Variants in QSOX2 observed in about 807,000 individuals in gnomAD.
The protein encoded by QSOX2 is sulfhydryl oxidase 2.
Under a neutral mutation model 61.7 loss-of-function variants are expected in QSOX2, and 46 were observed. The ratio of observed to expected loss-of-function variants is 0.75; its 90% CI spans 0.59 to 0.95. QSOX2 has a LOEUF of 0.95. Among genes scored for constraint, QSOX2 ranks in the 40% least tolerant of loss-of-function variants. The pLI is 0.00. For missense variants in QSOX2, 879 were observed against 918.9 expected (o/e 0.96, Z 0.56); for synonymous variants, 383 against 388.4 (o/e 0.99, Z 0.16).
At chr9:136,218,618 A>G (rs927774650) in intron 8 of QSOX2, 61 bp downstream of exon 8, 1 of 1,559,132 alleles carries the variant, frequency 6.4e-7, no homozygotes, top group Non-Finnish European at 8.7e-7. Context: ...GACGCCCCCC[A>G]GGGCCCACTC....
chr9:136,219,430 C>T (rs1344951015), intron 6 of QSOX2, among the ~76,000 whole-genome samples: 1 of 152,228 alleles, frequency 6.6e-6, no homozygotes, highest in Non-Finnish European at 1.5e-5. Context: ...TTTGTGGGGA[C>T]CTTAAGGCGT....
intron 1 of QSOX2, among the ~76,000 whole-genome samples, chr9:136,227,103 G>A (rs1830289578): frequency 6.6e-6 from 1 of 152,222 alleles, no homozygotes. Context: ...AGAACAAGCG[G>A]ATTTGTGCTG....
intron 10 of QSOX2, 73 bp from the exon 11 acceptor site, chr9:136,211,525 C>G: frequency 3.3e-6 from 5 of 1,513,936 alleles, no homozygotes; most frequent in Non-Finnish European, 1.8e-6. Flanking sequence ...GTCCAGAGAG[C>G]CTGGGGGGAA....
Position 136,223,463 on chromosome 9 carries a change from G to A in QSOX2, c.675+300C>T, listed in dbSNP as rs1830245664. On this transcript the variant is annotated intron_variant, in intron 5 of 11. Transcript: ENST00000358701. This position sits in a 1 kb window ranked among gnomAD's most constrained non-coding sequence, Gnocchi z 4.4. ...AAAATACAGAATGACCTCAAGGTGA[G>A]CTGGGCGTGTCATAAAAATGAGATC... Among the ~76,000 whole-genome samples the A allele has an allele frequency of 6.6e-6, 1 of 152,144 alleles. No homozygotes were observed. Among genetic ancestry groups the A allele is most frequent in the South Asian group, 2.1e-4 (1 of 4,816 alleles).
In QSOX2 at chr9:136,223,990, T is replaced by G. The variant is rs760163061; in HGVS notation, c.584+17A>C. 1.2e-6 allele frequency: 2 copies of G among 1,608,888 alleles called. No homozygotes were observed. Among genetic ancestry groups the G allele is most frequent in the Non-Finnish European group, 1.7e-6 (2 of 1,175,554 alleles). ...CAACACGAGTCTAACGGCCGCCTTC[T>G]TCATGGAGCTACTCACTGAATGGGG... On this transcript the variant is annotated intron_variant, in intron 4 of 11. Coordinates refer to ENST00000358701, the MANE Select transcript of QSOX2 (RefSeq NM_181701.4). The surrounding 1 kb of genome is among the most constrained non-coding windows in gnomAD (Gnocchi z 4.4).
At position 136,206,490 on chromosome 9, in the gene QSOX2, T is replaced by C. The variant is rs555727831; in HGVS notation, c.*2238A>G. 1 of 152,698 alleles carries C rather than the reference T, an allele frequency of 6.5e-6. No individual in the cohort carries two copies. Among genetic ancestry groups the C allele is most frequent in the Admixed American group, 6.5e-5 (1 of 15,302 alleles). The allele number at this position is 152,698 out of a possible 1,614,324, so 9.5% of individuals were successfully genotyped here. On this transcript the variant is annotated 3_prime_UTR_variant, in exon 12 of 12. Transcript: ENST00000358701. Reference sequence around the variant, plus strand: ...TCCTTCCACTGAAAATAAATAAGCATTTAAATTACTGAACTATTATATTCA... The same window carrying C: ...TCCTTCCACTGAAAATAAATAAGCACTTAAATTACTGAACTATTATATTCA...
chr9:136,217,097 T>C (rs1275963309), intron 8 of QSOX2, among the ~76,000 whole-genome samples: 2 of 152,248 alleles, frequency 1.3e-5, no homozygotes, highest in Non-Finnish European at 2.9e-5. Context: ...CGAGGAGCTG[T>C]GCTGACCCCG....
chr9:136,218,531 G>A, intron 8 of QSOX2, 148 bp downstream of exon 8: 1 of 929,034 alleles, frequency 1.1e-6, no homozygotes, highest in Non-Finnish European at 1.6e-6. Flanking sequence ...TGGGTGGAAT[G>A]AGTTGGGGCG....
chr9:136,216,150 G>A lies in QSOX2; in HGVS notation c.1209+450C>T, dbSNP rs1218501067. On this transcript the variant is annotated intron_variant, in intron 9 of 11. Transcript: ENST00000358701. ...GGGCCACAGAGAAGCTGCTGATCTG[G>A]ACTAAGGAGGGAATGGCAGGACGGA... is the stretch of plus-strand genomic sequence containing the variant. 2.6e-5 allele frequency among the ~76,000 whole-genome samples: 4 copies of A among 152,232 alleles called. No individual in the cohort carries two copies. In the East Asian group the frequency reaches 7.7e-4, roughly 29 times the overall value.
intron 2 of QSOX2, 82 bp downstream of exon 2, chr9:136,226,692 C>T: frequency 1.7e-6 from 2 of 1,164,444 alleles, no homozygotes; most frequent in Non-Finnish European, 2.6e-6. Context: ...CGAATTTCAA[C>T]AGACAAGCAG....
intron 2 of QSOX2, among the ~76,000 whole-genome samples, chr9:136,225,408 A>G (rs1830269950): frequency 6.6e-6 from 1 of 152,224 alleles, no homozygotes; most frequent in African/African-American, 2.4e-5. Flanking sequence ...GATGGCGGAG[A>G]TGAGGTCGGT....
chr9:136,211,482 G>C (rs1338206698), intron 10 of QSOX2, 30 bp from the exon 11 acceptor site: 1 of 1,607,042 alleles, frequency 6.2e-7, no homozygotes, highest in Admixed American at 1.7e-5. Flanking sequence ...GCTGACAACG[G>C]CAGGTGCGTG....
At chr9:136,210,356 T>C in intron 11 of QSOX2, 1 of 985,450 alleles carries the variant, frequency 1.0e-6, no homozygotes, top group Non-Finnish European at 1.2e-6. Flanking sequence ...TGTTGCAGTC[T>C]CATGACTGGG....
At chr9:136,220,767 G>A (rs1564292050) in intron 6 of QSOX2, among the ~76,000 whole-genome samples, 1 of 152,062 alleles carries the variant, frequency 6.6e-6, no homozygotes, top group Non-Finnish European at 1.5e-5. Context: ...CTGGAGTGCG[G>A]TGACAGGATC....
chr9:136,210,618 G>A (rs977178551), intron 11 of QSOX2: 111 of 985,324 alleles, frequency 1.1e-4, no homozygotes, highest in Non-Finnish European at 1.3e-4. Flanking sequence ...GTCAGGCTCA[G>A]GGCAAAGAAA....
In QSOX2 at chr9:136,207,076, G is replaced by A. The variant is rs1010093906; in HGVS notation, c.*1652C>T. ...AAGTGTGAAACCAGAAGCAACTCTC[G>A]AGTGAGACACGAAGCAGCAGGCTGA... On this transcript the variant is annotated 3_prime_UTR_variant, in exon 12 of 12. Transcript: ENST00000358701. The A allele has an allele frequency of 5.9e-5, 9 of 152,306 alleles. No individual in the cohort carries two copies. The highest frequency in any genetic ancestry group is 1.0e-4 in the Non-Finnish European group (7 of 68,060). The allele number at this position is 152,306 out of a possible 1,614,324, so 9.4% of individuals were successfully genotyped here.
In QSOX2 at chr9:136,223,470, G is replaced by A. The variant is rs533042572; in HGVS notation, c.675+293C>T. Among the ~76,000 whole-genome samples, 12 of 152,242 alleles carry A rather than the reference G, an allele frequency of 7.9e-5. No homozygotes were observed. The East Asian group carries it at 1.2e-3, about 15-fold the overall frequency. ...AGAATGACCTCAAGGTGAGCTGGGCGTGTCATAAAAATGAGATCTTCTGCA... is the reference window on the plus strand; with the variant it reads ...AGAATGACCTCAAGGTGAGCTGGGCATGTCATAAAAATGAGATCTTCTGCA... On this transcript the variant is annotated intron_variant, in intron 5 of 11. Coordinates refer to ENST00000358701, the MANE Select transcript of QSOX2 (RefSeq NM_181701.4). This position sits in a 1 kb window ranked among gnomAD's most constrained non-coding sequence, Gnocchi z 4.4.
rs1011433810 is a variant in QSOX2 at position 136,218,669 on chromosome 9, C to T, written c.1086+10G>A. ...TCCCACATGCAGCCCAGACCAGCACCGTCCCAAACCTTGGCCAAGACAGTC... is the reference window on the plus strand; with the variant it reads ...TCCCACATGCAGCCCAGACCAGCACTGTCCCAAACCTTGGCCAAGACAGTC... On this transcript the variant is annotated intron_variant, in intron 8 of 11. Transcript: ENST00000358701. 12 of 1,612,376 alleles carry T rather than the reference C, an allele frequency of 7.4e-6. No individual in the cohort carries two copies. The highest frequency in any genetic ancestry group is 1.7e-4 in the Middle Eastern group (1 of 6,022).
At chr9:136,211,069 G>A (rs1262663123) in intron 11 of QSOX2, among the ~76,000 whole-genome samples, 195 bp downstream of exon 11, 1 of 152,218 alleles carries the variant, frequency 6.6e-6, no homozygotes. Flanking sequence ...GAAAGCCGGG[G>A]ACAGAAGCAG....
Sources: allele counts gnomAD v4.1 joint callset (sites outside exome capture counted in the v4.1 genomes callset), GRCh38; gene constraint gnomAD v4.1.1; non-coding constraint Gnocchi (gnomAD v3.1); transcripts MANE v1.5; gene names NCBI Gene and HGNC (gene_info 2026-07-23, HGNC 2026-07-21).